The following LGSN variants were observed in gnomAD, a reference collection of about 807,000 sequenced individuals.
The protein encoded by LGSN is lengsin.
A neutral mutation model predicts 19.5 loss-of-function variants in LGSN; 21 were observed. The ratio of observed to expected loss-of-function variants is 1.07; its 90% CI spans 0.76 to 1.55. LGSN has a LOEUF of 1.55. LGSN is among the 40% of genes most tolerant of loss of function. LGSN has a pLI of 0.00. For synonymous variants in LGSN, 257 were observed against 215.6 expected, an observed-to-expected ratio of 1.19 and a Z score of -1.68; for missense variants, 673 against 608.5, an observed-to-expected ratio of 1.11 and a Z score of -1.12.
chr6:63,290,406 A>G (rs1325391563), intron 2 of LGSN, among the ~76,000 whole-genome samples: 1 of 152,250 alleles, frequency 6.6e-6, no homozygotes, highest in Non-Finnish European at 1.5e-5. Flanking sequence ...ACTAGAATAT[A>G]TAAAACAATG....
At chr6:63,474,943 G>T in the LGSN span, among the ~76,000 whole-genome samples, 8 of 150,862 alleles carry the variant, frequency 5.3e-5, no homozygotes, top group Non-Finnish European at 1.0e-4. Flanking sequence ...CTTCCCCACA[G>T]ATTTTGTGCA....
chr6:63,485,817 C>T, the LGSN span, among the ~76,000 whole-genome samples: 1 of 152,126 alleles, frequency 6.6e-6, no homozygotes, highest in Non-Finnish European at 1.5e-5. Flanking sequence ...CAACCTCTGC[C>T]TCCCGGGTTC....
the LGSN span, chr6:63,573,503 G>C: frequency 6.6e-6 from 1 of 152,254 alleles, no homozygotes; most frequent in East Asian, 1.9e-4. Context: ...GGCGCGGAGA[G>C]GGGGCGCAGC....
intron 1 of LGSN, among the ~76,000 whole-genome samples, chr6:63,297,438 G>A (rs992192210): frequency 3.3e-5 from 5 of 151,806 alleles, no homozygotes; most frequent in African/African-American, 7.3e-5. Flanking sequence ...AGGGAGTAGG[G>A]GTTTCAAATG....
chr6:63,450,846 G>A, the LGSN span, among the ~76,000 whole-genome samples: 1 of 151,716 alleles, frequency 6.6e-6, no homozygotes, highest in Non-Finnish European at 1.5e-5. Context: ...CCAATTTTTT[G>A]TATTTTTGGT....
chr6:63,298,807 T>C (rs544987838), intron 1 of LGSN, among the ~76,000 whole-genome samples: 26 of 152,306 alleles, frequency 1.7e-4, no homozygotes, highest in Middle Eastern at 3.4e-3. Flanking sequence ...GCTCCCAAAT[T>C]AGGCATATCC....
chr6:63,541,353 G>A, the LGSN span, among the ~76,000 whole-genome samples: 1 of 151,988 alleles, frequency 6.6e-6, no homozygotes, highest in African/African-American at 2.4e-5. Context: ...AGGAGTTCAA[G>A]AGCAGCCTGG....
chr6:63,483,229 CA>C, the LGSN span, among the ~76,000 whole-genome samples: 1 of 152,178 alleles, frequency 6.6e-6, no homozygotes. Flanking sequence ...AAAATGTAAC[CA>C]AAGGTCCAGA....
At chr6:63,377,096 T>C in the LGSN span, among the ~76,000 whole-genome samples, 1 of 152,222 alleles carries the variant, frequency 6.6e-6, no homozygotes, top group South Asian at 2.1e-4. Flanking sequence ...TAGCTTAAAT[T>C]AATTTTAGAC....
the LGSN span, among the ~76,000 whole-genome samples, chr6:63,500,763 T>C: frequency 6.6e-6 from 1 of 150,826 alleles, no homozygotes; most frequent in Non-Finnish European, 1.5e-5. Context: ...AGTCTCACTC[T>C]GTCACCCAGG....
intron 1 of LGSN, among the ~76,000 whole-genome samples, chr6:63,297,301 C>T (rs1768011420): frequency 1.3e-5 from 2 of 149,660 alleles, no homozygotes; most frequent in Non-Finnish European, 3.0e-5. Context: ...CGAGATGGCA[C>T]CATTGCATTC....
the LGSN span, among the ~76,000 whole-genome samples, chr6:63,561,266 A>G: frequency 4.6e-5 from 7 of 152,206 alleles, no homozygotes; most frequent in East Asian, 1.3e-3. Flanking sequence ...GCATGTCCTG[A>G]TTTTTATAAT....
chr6:63,285,252 A>G (rs1767478911), intron 3 of LGSN, among the ~76,000 whole-genome samples: 1 of 152,056 alleles, frequency 6.6e-6, no homozygotes, highest in African/African-American at 2.4e-5. Flanking sequence ...CAATTTTCTC[A>G]TGTCAAATAA....
chr6:63,417,411 A>G, the LGSN span, among the ~76,000 whole-genome samples: 1 of 152,154 alleles, frequency 6.6e-6, no homozygotes, highest in Non-Finnish European at 1.5e-5. Flanking sequence ...TAACTCTCCT[A>G]TCTTCTCTTT....
the LGSN span, among the ~76,000 whole-genome samples, chr6:63,536,604 T>C: frequency 6.6e-6 from 1 of 152,216 alleles, no homozygotes; most frequent in Admixed American, 6.5e-5. Context: ...AATTGATGTA[T>C]GACTTTATAA....
At chr6:63,559,811 T>C in the LGSN span, among the ~76,000 whole-genome samples, 1 of 152,214 alleles carries the variant, frequency 6.6e-6, no homozygotes. Context: ...TACTAGCACT[T>C]TGGGAGTCTG....
the LGSN span, among the ~76,000 whole-genome samples, chr6:63,330,197 A>G: frequency 1.3e-5 from 2 of 152,154 alleles, no homozygotes; most frequent in African/African-American, 4.8e-5. Flanking sequence ...CTCATTGGAC[A>G]ATGTTTTTTA....
chr6:63,478,984 G>A, the LGSN span, among the ~76,000 whole-genome samples: 2 of 152,300 alleles, frequency 1.3e-5, no homozygotes, highest in South Asian at 4.1e-4. Context: ...AGACAAGAGA[G>A]AACATGTCTT....
rs1343822773 is a variant in LGSN, at chr6:63,276,222, T to C, written c.*3799A>G. ...GAGATATGTCAATAGACTGTTCTGT[T>C]TTACTGATAAGCTCAGACTTCACTG... On this transcript the variant is annotated 3_prime_UTR_variant, in exon 4 of 4. Transcript: ENST00000370657. The C allele has an allele frequency of 6.6e-6, 1 of 152,220 alleles. No homozygotes were observed. The highest frequency in any genetic ancestry group is 1.5e-5 in the Non-Finnish European group (1 of 68,032). The allele number at this position is 152,220 out of a possible 1,614,324, so 9.4% of individuals were successfully genotyped here. A position where few individuals can be genotyped will look rare whatever the true frequency, so the allele number is the denominator to read the frequency against.
Sources: gnomAD v4.1 joint callset for allele counts (sites outside exome capture counted in the v4.1 genomes callset) on GRCh38, gnomAD v4.1.1 for gene constraint, MANE v1.5 for transcripts, NCBI Gene and HGNC (gene_info 2026-07-23, HGNC 2026-07-21) for gene names.